PLCXD3: variants seen among roughly 807,000 people sequenced by gnomAD.
PLCXD3 encodes PI-PLC X domain-containing protein 3.
PLCXD3 carries 19 observed loss-of-function variants against 25.5 expected under a neutral mutation model. The observed-to-expected ratio is 0.75, with a 90% CI of 0.52 to 1.09. PLCXD3 has a LOEUF of 1.09. Ranked by LOEUF, PLCXD3 falls within the 50% of genes least tolerant of loss-of-function variation. The probability of loss-of-function intolerance (pLI) is 0.00; values close to 1 mark genes in which losing one functional copy is unlikely to be tolerated. For synonymous variants in PLCXD3, 174 were observed against 137.6 expected, an observed-to-expected ratio of 1.26 and a Z score of -1.85; for missense variants, 411 against 388.1, an observed-to-expected ratio of 1.06 and a Z score of -0.50.
chr5:41,348,186 G>A (rs1258039220), intron 2 of PLCXD3, among the ~76,000 whole-genome samples: 1 of 152,126 alleles, frequency 6.6e-6, no homozygotes, highest in African/African-American at 2.4e-5. Flanking sequence ...TAGCTGCTCT[G>A]GATGCTATTT....
chr5:41,468,224 G>T (rs1056814583), intron 1 of PLCXD3, among the ~76,000 whole-genome samples: 1 of 151,578 alleles, frequency 6.6e-6, no homozygotes, highest in Non-Finnish European at 1.5e-5. Context: ...TACTATGTTG[G>T]CTAGGTTAGT....
chr5:41,333,956 C>G (rs1743906976), intron 2 of PLCXD3, among the ~76,000 whole-genome samples: 1 of 152,108 alleles, frequency 6.6e-6, no homozygotes, highest in Admixed American at 6.6e-5. Flanking sequence ...AATTCAAACC[C>G]CATTTATAGC....
At chr5:41,346,408 A>C (rs1038844982) in intron 2 of PLCXD3, among the ~76,000 whole-genome samples, 7 of 152,096 alleles carry the variant, frequency 4.6e-5, no homozygotes, top group African/African-American at 1.7e-4. Context: ...GGTTTTGACA[A>C]ATGCATGATG....
At chr5:41,407,960 G>A (rs1746400787) in intron 1 of PLCXD3, among the ~76,000 whole-genome samples, 2 of 152,282 alleles carry the variant, frequency 1.3e-5, no homozygotes, top group South Asian at 4.1e-4. Flanking sequence ...CTAAATTTGA[G>A]AAGTCCTATT....
At chr5:41,383,458 T>C (rs914065058) in intron 1 of PLCXD3, among the ~76,000 whole-genome samples, 1 of 152,136 alleles carries the variant, frequency 6.6e-6, no homozygotes, top group Non-Finnish European at 1.5e-5. Context: ...TTTGAAACTC[T>C]TTATTAGGAC....
At chr5:41,403,476 C>T (rs1580354028) in intron 1 of PLCXD3, among the ~76,000 whole-genome samples, 1 of 61,572 alleles carries the variant, frequency 1.6e-5, no homozygotes, top group East Asian at 2.9e-4. Flanking sequence ...CATATGTATA[C>T]ATGTGCCATG....
At chr5:41,469,135 A>G (rs1208837321) in intron 1 of PLCXD3, among the ~76,000 whole-genome samples, 3 of 152,208 alleles carry the variant, frequency 2.0e-5, no homozygotes, top group Non-Finnish European at 4.4e-5. Flanking sequence ...TGAGATGATC[A>G]TAGGATAGTT....
At chr5:41,494,807 A>G (rs1443613884) in intron 1 of PLCXD3, among the ~76,000 whole-genome samples, 2 of 152,196 alleles carry the variant, frequency 1.3e-5, no homozygotes, top group African/African-American at 4.8e-5. Context: ...AAATGTAACA[A>G]TAGAAAAAAG....
chr5:41,456,672 G>A (rs1404930249), intron 1 of PLCXD3: 1 of 241,982 alleles, frequency 4.1e-6, no homozygotes, highest in Non-Finnish European at 6.6e-6. Flanking sequence ...ATTAGGTCCT[G>A]AAGGTGGAGC....
intron 1 of PLCXD3, among the ~76,000 whole-genome samples, chr5:41,446,520 T>G (rs992894651): frequency 6.7e-6 from 1 of 148,880 alleles, no homozygotes; most frequent in African/African-American, 2.4e-5. Context: ...CCCCATGGAA[T>G]GAATAAGTGC....
At chr5:41,349,245 G>A (rs73075984) in intron 2 of PLCXD3, among the ~76,000 whole-genome samples, 3,402 of 152,200 alleles carry the variant, frequency 0.022, 147 homozygotes, top group African/African-American at 0.078. Context: ...TTAAAAGGAT[G>A]GCTGCACTTA....
At chr5:41,416,266 A>T (rs1162980166) in intron 1 of PLCXD3, among the ~76,000 whole-genome samples, 2 of 152,208 alleles carry the variant, frequency 1.3e-5, no homozygotes, top group African/African-American at 2.4e-5. Context: ...GGAAAAAGCG[A>T]CAGTATCTAG....
At chr5:41,344,908 A>G (rs1290461390) in intron 2 of PLCXD3, among the ~76,000 whole-genome samples, 1 of 152,188 alleles carries the variant, frequency 6.6e-6, no homozygotes. Flanking sequence ...GTTAATGGTG[A>G]ATAAAATCAA....
At chr5:41,319,310 A>AT (rs962570057) in intron 2 of PLCXD3, among the ~76,000 whole-genome samples, 6 of 152,120 alleles carry the variant, frequency 3.9e-5, no homozygotes, top group African/African-American at 1.2e-4. Flanking sequence ...CAGGATACAC[A>AT]TTTTTTTCCT....
intron 1 of PLCXD3, among the ~76,000 whole-genome samples, chr5:41,450,880 A>G (rs914470371): frequency 1.3e-5 from 2 of 152,110 alleles, no homozygotes; most frequent in East Asian, 3.9e-4. Context: ...GATGGATTGC[A>G]GCACAGATAA....
At chr5:41,436,517 C>A (rs1382490828) in intron 1 of PLCXD3, among the ~76,000 whole-genome samples, 1 of 152,102 alleles carries the variant, frequency 6.6e-6, no homozygotes, top group Non-Finnish European at 1.5e-5. Context: ...GTTGCTATTG[C>A]TGAGTCACTT....
In PLCXD3 at chr5:41,475,478, G is replaced by A. The variant is rs115698371; in HGVS notation, c.103+34946C>T. Among the ~76,000 whole-genome samples, 551 of 151,810 alleles carry A rather than the reference G, an allele frequency of 3.6e-3. 5 individuals are homozygous for A. The highest frequency in any genetic ancestry group is 0.011 in the African/African-American group (460 of 41,396). ...CCGTATGGTCCCTGTTAGTTCCTGT[G>A]AATTCCTGCAAATCCCTGTCTTTCC... On this transcript the variant is annotated intron_variant, in intron 1 of 2. Coordinates refer to ENST00000377801, the MANE Select transcript of PLCXD3 (RefSeq NM_001005473.3).
intron 2 of PLCXD3, among the ~76,000 whole-genome samples, chr5:41,339,471 G>T (rs1744077130): frequency 6.6e-6 from 1 of 151,892 alleles, no homozygotes; most frequent in East Asian, 1.9e-4. Flanking sequence ...TCAAAAATTG[G>T]AATCACTGAC....
chr5:41,503,987 TTGTGTGTGTG>T (rs36021542), intron 1 of PLCXD3, among the ~76,000 whole-genome samples: 2 of 148,454 alleles, frequency 1.3e-5, no homozygotes, highest in South Asian at 4.3e-4. Context: ...GTGTGTGCAC[TTGTGTGTGTG>T]TGTGTGTGTG....
Sources: gnomAD v4.1 joint callset for allele counts (sites outside exome capture counted in the v4.1 genomes callset) on GRCh38, gnomAD v4.1.1 for gene constraint, MANE v1.5 for transcripts, NCBI Gene and HGNC (gene_info 2026-07-23, HGNC 2026-07-21) for gene names.